Variants in PTPRM observed in about 807,000 individuals in gnomAD.
PTPRM encodes protein tyrosine phosphatase receptor type M.
In PTPRM, 47 loss-of-function variants were observed where a neutral mutation model predicts 186.7. The ratio of observed to expected loss-of-function variants is 0.25; its 90% CI spans 0.20 to 0.32. The LOEUF (loss-of-function observed/expected upper bound fraction) is 0.32. Ranked by LOEUF, PTPRM falls within the 10% of genes least tolerant of loss-of-function variation. PTPRM has a pLI of 1.00. For missense variants in PTPRM, 1,494 were observed against 1,865.0 expected (o/e 0.80, Z 3.66); for synonymous variants, 668 against 674.9 (o/e 0.99, Z 0.16).
At chr18:7,843,567 A>T (rs971168188) in intron 2 of PTPRM, among the ~76,000 whole-genome samples, 1 of 152,220 alleles carries the variant, frequency 6.6e-6, no homozygotes, top group Non-Finnish European at 1.5e-5. Context: ...GCTAATTCAG[A>T]TGTGATACTC....
At chr18:7,751,279 C>T (rs1464537263) in intron 1 of PTPRM, 3 of 152,312 alleles carry the variant, frequency 2.0e-5, no homozygotes, top group African/African-American at 4.8e-5. Context: ...TGTCTCCAGT[C>T]GCTTTCCACT....
intron 2 of PTPRM, among the ~76,000 whole-genome samples, chr18:7,849,947 T>C (rs1157248650): frequency 2.0e-5 from 3 of 152,202 alleles, no homozygotes; most frequent in African/African-American, 7.2e-5. Context: ...ATTTGTAACA[T>C]GTTAACTTTC....
At chr18:7,919,716 T>C (rs552950967) in intron 4 of PTPRM, among the ~76,000 whole-genome samples, 6 of 152,156 alleles carry the variant, frequency 3.9e-5, no homozygotes, top group Admixed American at 6.5e-5. Flanking sequence ...TCTATAGACG[T>C]CAGTTATGAC....
rs374567697 is a variant in PTPRM at position 8,330,655 on chromosome 18, A to AT, written c.2956+11456dup. Among the ~76,000 whole-genome samples, 115 of 139,496 alleles carry AT rather than the reference A, an allele frequency of 8.2e-4. 1 individual carries two copies. Among genetic ancestry groups the AT allele is most frequent in the African/African-American group, 2.6e-3 (99 of 38,360 alleles). 91.5% of individuals were successfully genotyped at this position (139,496 alleles called of 152,430 possible). On this transcript the variant is annotated intron_variant, in intron 22 of 32. Coordinates refer to ENST00000580170, the MANE Select transcript of PTPRM (RefSeq NM_001105244.2). Reference sequence around the variant, plus strand: ...CCCTCCATTCTGAAGGCTGCCGTTCATTTTTTTTTTTTTTTGTCCTTGATT... The same window carrying AT: ...CCCTCCATTCTGAAGGCTGCCGTTCATTTTTTTTTTTTTTTTGTCCTTGATT...
At chr18:8,406,001 C>T in intron 32 of PTPRM, 108 bp from the exon 33 acceptor site, 2 of 964,692 alleles carry the variant, frequency 2.1e-6, no homozygotes, top group Non-Finnish European at 3.4e-6. Flanking sequence ...TAATTCAAAT[C>T]CTCCCAGATT....
intron 32 of PTPRM, among the ~76,000 whole-genome samples, chr18:8,401,887 G>A (rs2095874130): frequency 6.6e-6 from 1 of 152,248 alleles, no homozygotes. Flanking sequence ...AGGGACCTTG[G>A]TGAGGAATAG....
At chr18:7,720,142 T>C (rs2040419501) in intron 1 of PTPRM, among the ~76,000 whole-genome samples, 1 of 152,200 alleles carries the variant, frequency 6.6e-6, no homozygotes, top group Non-Finnish European at 1.5e-5. Context: ...ATCATAAAAA[T>C]ATCAGCTATC....
At chr18:7,747,674 T>G (rs1367087002) in intron 1 of PTPRM, 1 of 152,258 alleles carries the variant, frequency 6.6e-6, no homozygotes, top group African/African-American at 2.4e-5. Flanking sequence ...TGTGAATCTT[T>G]GTGTCTAAAC....
intron 11 of PTPRM, among the ~76,000 whole-genome samples, chr18:8,105,795 C>T (rs987126592): frequency 1.3e-5 from 2 of 152,060 alleles, no homozygotes; most frequent in Admixed American, 6.6e-5. Flanking sequence ...CTGCCAGTCA[C>T]CCCCCAGAAA....
At position 7,972,220 on chromosome 18, in the gene PTPRM, C is replaced by CAA. The variant is rs1162195973; in HGVS notation, c.1132+16808_1132+16809dup. Among the ~76,000 whole-genome samples the CAA allele has an allele frequency of 4.5e-5, 6 of 131,996 alleles. No homozygotes were observed. In the East Asian group the frequency reaches 1.3e-3, roughly 28 times the overall value. The allele number at this position is 131,996 out of a possible 152,430, so 86.6% of individuals were successfully genotyped here. A position where few individuals can be genotyped will look rare whatever the true frequency, so the allele number is the denominator to read the frequency against. On this transcript the variant is annotated intron_variant, in intron 7 of 32. Transcript: ENST00000580170. ...GTAAACTATCGCAAGAAGAAAAAAC[C>CAA]AAACACCGCATATTCTCACGCATAG...
In PTPRM at chr18:8,126,003, A is replaced by T. The variant is rs866983150; in HGVS notation, c.2167+11176A>T. 3.2e-3 allele frequency among the ~76,000 whole-genome samples: 53 copies of T among 16,472 alleles called. 2 individuals carry two copies. Among genetic ancestry groups the T allele is most frequent in the African/African-American group, 6.4e-3 (47 of 7,378 alleles). 10.8% of individuals were successfully genotyped at this position (16,472 alleles called of 152,430 possible). Reference sequence around the variant, plus strand: ...TATATATATATATATATATATATATATATATATATATATATATATATATAT... The same window carrying T: ...TATATATATATATATATATATATATTTATATATATATATATATATATATAT... On this transcript the variant is annotated intron_variant, in intron 13 of 32. Transcript: ENST00000580170.
At chr18:8,082,335 C>G (rs1016075206) in intron 9 of PTPRM, among the ~76,000 whole-genome samples, 4 of 152,128 alleles carry the variant, frequency 2.6e-5, no homozygotes, top group African/African-American at 9.7e-5. Context: ...TGAATAGTCA[C>G]AACACAGGCA....
chr18:8,132,713 G>C (rs2092541548), intron 13 of PTPRM, among the ~76,000 whole-genome samples: 1 of 152,160 alleles, frequency 6.6e-6, no homozygotes, highest in South Asian at 2.1e-4. Context: ...ATTCTTGACA[G>C]ATACTCACTT....
intron 14 of PTPRM, chr18:8,155,078 G>A (rs1202766091): frequency 1.3e-5 from 2 of 151,958 alleles, no homozygotes; most frequent in African/African-American, 2.4e-5. Context: ...ACGGGGCAAT[G>A]TACTCTCAAA....
intron 14 of PTPRM, among the ~76,000 whole-genome samples, chr18:8,149,218 G>A (rs1032314623): frequency 3.3e-5 from 5 of 152,138 alleles, no homozygotes; most frequent in African/African-American, 9.7e-5. Flanking sequence ...TTAATTTTCT[G>A]TCTAATTGAT....
In PTPRM at chr18:7,690,072, C is replaced by G. The variant is rs1218345595; in HGVS notation, c.74-84077C>G. On this transcript the variant is annotated intron_variant, in intron 1 of 32. Transcript: ENST00000580170. The stretch of plus-strand genomic sequence containing the variant: ...TTTGCCAAATGGGCACCATAAAGAC[C>G]TTTTAATAACAGCTACAGAAATCAA... Among the ~76,000 whole-genome samples, 3 of 152,116 alleles carry G rather than the reference C, an allele frequency of 2.0e-5. No homozygotes were observed. In the East Asian group the frequency reaches 5.8e-4, roughly 29 times the overall value.
At chr18:8,269,813 G>A (rs2094747869) in intron 19 of PTPRM, among the ~76,000 whole-genome samples, 1 of 151,980 alleles carries the variant, frequency 6.6e-6, no homozygotes, top group Non-Finnish European at 1.5e-5. Flanking sequence ...AAATGGTGTT[G>A]GGGAAACTAG....
chr18:8,342,814 A>G (rs2095482496), intron 22 of PTPRM, among the ~76,000 whole-genome samples: 1 of 152,200 alleles, frequency 6.6e-6, no homozygotes, highest in African/African-American at 2.4e-5. Flanking sequence ...TAATGCTCAG[A>G]TCCCAAGAGC....
intron 1 of PTPRM, among the ~76,000 whole-genome samples, chr18:7,573,151 G>A (rs1047318613): frequency 6.6e-6 from 1 of 152,240 alleles, no homozygotes; most frequent in Non-Finnish European, 1.5e-5. Context: ...AACAGGATGA[G>A]AAGAGAAGTG....
Sources: gnomAD v4.1 joint callset for allele counts (sites outside exome capture counted in the v4.1 genomes callset) on GRCh38, gnomAD v4.1.1 for gene constraint, MANE v1.5 for transcripts, NCBI Gene and HGNC (gene_info 2026-07-23, HGNC 2026-07-21) for gene names.